TMEM67: variants seen among roughly 807,000 people sequenced by gnomAD.
TMEM67 encodes the protein transmembrane protein 67.
TMEM67 carries 124 observed loss-of-function variants against 136.6 expected under a neutral mutation model. That is an observed-to-expected ratio of 0.91 (90% CI 0.78 to 1.05). The LOEUF (loss-of-function observed/expected upper bound fraction) is 1.05, where lower values mean the gene tolerates loss of function less well. Among genes scored for constraint, TMEM67 ranks in the 50% least tolerant of loss-of-function variants. The pLI, the probability that TMEM67 is intolerant of heterozygous loss-of-function variation, is 0.00. For synonymous variants in TMEM67, 364 were observed against 390.5 expected (o/e 0.93, Z 0.80); for missense variants, 1,107 against 1,178.4 (o/e 0.94, Z 0.89).
At chr8:93,781,553 G>A (rs1813828060) in intron 9 of TMEM67, 105 bp from the exon 10 acceptor site, 1 of 541,350 alleles carries the variant, frequency 1.8e-6, no homozygotes, top group African/African-American at 1.9e-5. Flanking sequence ...ATAATTGAAT[G>A]TAATTTTTCA....
chr8:93,801,961 G>A (rs529217816), intron 21 of TMEM67, among the ~76,000 whole-genome samples: 73 of 152,242 alleles, frequency 4.8e-4, no homozygotes, highest in Non-Finnish European at 8.1e-4. Flanking sequence ...ACAATATACC[G>A]ATATATTTTG....
intron 7 of TMEM67, among the ~76,000 whole-genome samples, chr8:93,776,538 T>C (rs914315343): frequency 1.6e-4 from 24 of 152,282 alleles, no homozygotes; most frequent in Admixed American, 1.6e-3. Context: ...CAATACCTAG[T>C]TTATTGAGAG....
At chr8:93,764,633 T>C (rs973438702) in intron 4 of TMEM67, among the ~76,000 whole-genome samples, 5 of 152,176 alleles carry the variant, frequency 3.3e-5, no homozygotes, top group Admixed American at 1.3e-4. Context: ...CACAGTTTTT[T>C]CTTTAGTTTC....
intron 16 of TMEM67, chr8:93,794,765 A>G (rs1278078005): frequency 1.3e-5 from 2 of 155,296 alleles, no homozygotes; most frequent in Non-Finnish European, 2.8e-5. Context: ...AGTGTCTGGC[A>G]CTCTACCAGG....
At chr8:93,785,652 G>A (rs374745119) in intron 12 of TMEM67, 28 of 324,274 alleles carry the variant, frequency 8.6e-5, no homozygotes, top group African/African-American at 2.2e-4. Flanking sequence ...GGGCTTTTTC[G>A]TCAAGCTGTC....
chr8:93,792,466 GC>G (rs535478461), intron 15 of TMEM67, among the ~76,000 whole-genome samples: 262 of 152,140 alleles, frequency 1.7e-3, no homozygotes, highest in African/African-American at 6.1e-3. Flanking sequence ...GAGCCACGGT[GC>G]CCGGCCCTCT....
chr8:93,819,397 G>A (rs1755346777), downstream of TMEM67, among the ~76,000 whole-genome samples: 1 of 152,140 alleles, frequency 6.6e-6, no homozygotes, highest in South Asian at 2.1e-4. Context: ...TTGTGATAGA[G>A]GGTGGAGAGA....
At chr8:93,792,575 T>C (rs532182794) in intron 15 of TMEM67, among the ~76,000 whole-genome samples, 2 of 152,324 alleles carry the variant, frequency 1.3e-5, no homozygotes, top group East Asian at 1.9e-4. Flanking sequence ...ATTACTTTTT[T>C]ATTTATTAAT....
chr8:93,830,777 T>C, the TMEM67 span, among the ~76,000 whole-genome samples: 1 of 152,236 alleles, frequency 6.6e-6, no homozygotes, highest in African/African-American at 2.4e-5. Context: ...GACTCAGCTT[T>C]TACCTCAGAC....
the TMEM67 span, among the ~76,000 whole-genome samples, chr8:93,830,842 T>G: frequency 6.6e-6 from 1 of 152,264 alleles, no homozygotes; most frequent in African/African-American, 2.4e-5. Flanking sequence ...ATTCTTGTTA[T>G]AATCATCATG....
chr8:93,819,247 A>G (rs1563489016), downstream of TMEM67: 2 of 429,992 alleles, frequency 4.7e-6, no homozygotes, highest in Non-Finnish European at 9.1e-6. Context: ...CAGATTACTG[A>G]TCTCAATAAC....
At chr8:93,808,022 G>A (rs1006729178) in intron 23 of TMEM67, among the ~76,000 whole-genome samples, 1 of 151,668 alleles carries the variant, frequency 6.6e-6, no homozygotes, top group Non-Finnish European at 1.5e-5. Flanking sequence ...TCTTAAAAAT[G>A]TTTAGAAAAC....
intron 23 of TMEM67, 29 bp downstream of exon 23, chr8:93,804,907 TTTAAG>T (rs755074301): frequency 3.9e-6 from 5 of 1,278,254 alleles, no homozygotes; most frequent in Non-Finnish European, 5.7e-6. Flanking sequence ...TCTTTTTGTT[TTTAAG>T]TTGAGAAGTG....
intron 15 of TMEM67, 47 bp downstream of exon 15, chr8:93,791,366 T>C: frequency 7.5e-7 from 1 of 1,325,738 alleles, no homozygotes; most frequent in South Asian, 1.3e-5. Context: ...TATTTTATAA[T>C]TAAATGATTT....
intron 23 of TMEM67, among the ~76,000 whole-genome samples, chr8:93,805,477 G>T (rs2130766241): frequency 6.6e-6 from 1 of 152,020 alleles, no homozygotes. Flanking sequence ...CCAGCTACTT[G>T]GGAGGCTGAG....
At chr8:93,757,896 A>G (rs977996483) in intron 2 of TMEM67, among the ~76,000 whole-genome samples, 2 of 151,930 alleles carry the variant, frequency 1.3e-5, no homozygotes, top group African/African-American at 2.4e-5. Context: ...AAGTAGGATT[A>G]TAGGCATACA....
intron 12 of TMEM67, among the ~76,000 whole-genome samples, 191 bp downstream of exon 12, chr8:93,785,569 C>A (rs376452308): frequency 5.3e-5 from 8 of 152,172 alleles, no homozygotes; most frequent in African/African-American, 1.9e-4. Context: ...AATTTTATTG[C>A]CAGACATATT....
intron 21 of TMEM67, among the ~76,000 whole-genome samples, chr8:93,802,999 G>A (rs1027729186): frequency 1.3e-5 from 2 of 152,198 alleles, no homozygotes; most frequent in Middle Eastern, 6.8e-3. Flanking sequence ...GGGGACAGTG[G>A]GGACAGCTTT....
intron 7 of TMEM67, among the ~76,000 whole-genome samples, chr8:93,779,666 C>T (rs1229765617): frequency 6.6e-6 from 1 of 152,192 alleles, no homozygotes; most frequent in Admixed American, 6.5e-5. Context: ...TAGAGGTCCA[C>T]TCCAGACGCT....
Sources: allele counts gnomAD v4.1 joint callset (sites outside exome capture counted in the v4.1 genomes callset), GRCh38; gene constraint gnomAD v4.1.1; transcripts MANE v1.5; gene names NCBI Gene and HGNC (gene_info 2026-07-23, HGNC 2026-07-21).